Variants in RUBCN observed in about 807,000 individuals in gnomAD.
RUBCN encodes rubicon autophagy regulator, also known as run domain Beclin-1-interacting and cysteine-rich domain-containing protein.
In RUBCN, 74 loss-of-function variants were observed where a neutral mutation model predicts 113.2. That is an observed-to-expected ratio of 0.65 (90% CI 0.54 to 0.79). RUBCN has a LOEUF of 0.79. Ranked by LOEUF, RUBCN falls within the 30% of genes least tolerant of loss-of-function variation. RUBCN has a pLI of 0.00. For synonymous variants in RUBCN, 480 were observed against 490.0 expected, an observed-to-expected ratio of 0.98 and a Z score of 0.27; for missense variants, 1,109 against 1,251.7, an observed-to-expected ratio of 0.89 and a Z score of 1.72.
intron 9 of RUBCN, among the ~76,000 whole-genome samples, chr3:197,695,304 T>C (rs571402704): frequency 1.4e-5 from 2 of 147,062 alleles, no homozygotes; most frequent in Admixed American, 1.3e-4. Context: ...CCCAGCACTC[T>C]GGGAGGCCAA....
At position 197,683,875 on chromosome 3, in the gene RUBCN, CT is replaced by C. The variant is rs1276611259; in HGVS notation, c.1847+281del. Among the ~76,000 whole-genome samples the C allele has an allele frequency of 6.6e-6, 1 of 152,210 alleles. No homozygotes were observed. Among genetic ancestry groups the C allele is most frequent in the Non-Finnish European group, 1.5e-5 (1 of 68,034 alleles). On this transcript the variant is annotated intron_variant, in intron 12 of 19. Transcript: ENST00000296343. The surrounding 1 kb of genome is among the most constrained non-coding windows in gnomAD (Gnocchi z 4.6). ...ATTTCATAACCAAAAACCATCATCA[CT>C]GCTCTCTTTTGAGACCTTCTGGGGC...
chr3:197,680,028 AG>A (rs1721018309), intron 16 of RUBCN, among the ~76,000 whole-genome samples: 1 of 150,274 alleles, frequency 6.7e-6, no homozygotes, highest in Non-Finnish European at 1.5e-5. Context: ...AACTGGCTTC[AG>A]ACTGTCCTAC....
At position 197,736,765 on chromosome 3, in the gene RUBCN, C is replaced by G; in HGVS notation, c.-46G>C. The G allele has an allele frequency of 6.6e-7, 1 of 1,523,620 alleles. No homozygotes were observed. The highest frequency in any genetic ancestry group is 8.8e-7 in the Non-Finnish European group (1 of 1,142,306). The allele number at this position is 1,523,620 out of a possible 1,614,324, so 94.4% of individuals were successfully genotyped here. ...CTTCGCCCAAGAGAGGCGTCCCTGC[C>G]GCTTCGCCCTTCAGGGCTCCCGGGG... On this transcript the variant is annotated 5_prime_UTR_variant, in exon 1 of 20. Coordinates refer to ENST00000296343, the MANE Select transcript of RUBCN (RefSeq NM_014687.4).
At chr3:197,696,747 G>A (rs570386289) in intron 8 of RUBCN, among the ~76,000 whole-genome samples, 20 of 152,254 alleles carry the variant, frequency 1.3e-4, no homozygotes, top group South Asian at 6.2e-4. Flanking sequence ...AGAGAGGGTG[G>A]GACCCCCAAG....
intron 1 of RUBCN, among the ~76,000 whole-genome samples, chr3:197,746,916 C>T (rs962893951): frequency 2.0e-5 from 3 of 151,896 alleles, no homozygotes; most frequent in South Asian, 2.1e-4. Context: ...GGTGTGCATC[C>T]GTCTTGCTCA....
At chr3:197,698,231 A>G (rs1341195489) in intron 7 of RUBCN, among the ~76,000 whole-genome samples, 1 of 152,262 alleles carries the variant, frequency 6.6e-6, no homozygotes, top group Non-Finnish European at 1.5e-5. Flanking sequence ...TCTCCTTAAG[A>G]AGAACGCTAT....
intron 1 of RUBCN, among the ~76,000 whole-genome samples, chr3:197,732,336 A>G (rs1727610160): frequency 6.6e-6 from 1 of 152,140 alleles, no homozygotes; most frequent in Admixed American, 6.5e-5. Context: ...TATTTTTGAG[A>G]CGAGTCTCAC....
At chr3:197,676,812 C>G in intron 18 of RUBCN, 73 bp downstream of exon 18, 3 of 1,610,146 alleles carry the variant, frequency 1.9e-6, no homozygotes, top group Non-Finnish European at 2.5e-6. Flanking sequence ...GTGGCAAGAA[C>G]CCCAGGTCCA....
upstream of RUBCN, chr3:197,736,928 A>G (rs1728212735): frequency 7.4e-7 from 1 of 1,346,290 alleles, no homozygotes; most frequent in Non-Finnish European, 9.5e-7. Flanking sequence ...TCCGGGGACT[A>G]CAGCCCCCGG....
In RUBCN at chr3:197,674,873, A is replaced by T; in HGVS notation, c.*145T>A. 1.5e-6 allele frequency: 1 copy of T among 684,724 alleles called. No homozygotes were observed. The highest frequency in any genetic ancestry group is 2.3e-6 in the Non-Finnish European group (1 of 434,232). 42.4% of individuals were successfully genotyped at this position (684,724 alleles called of 1,614,324 possible). The stretch of plus-strand genomic sequence containing the variant: ...GGCTGACTGCACACAGACGTCAGAC[A>T]AGTCAGTAAAAAAAAAAAAAAAGAT... On this transcript the variant is annotated 3_prime_UTR_variant, in exon 20 of 20. Transcript: ENST00000296343.
chr3:197,737,402 G>A (rs1728270889), upstream of RUBCN: 2 of 151,276 alleles, frequency 1.3e-5, no homozygotes, highest in Non-Finnish European at 2.9e-5. Flanking sequence ...AGGAGAGAAA[G>A]GCTTCTGGGG....
intron 1 of RUBCN, among the ~76,000 whole-genome samples, chr3:197,722,006 A>C (rs1726224591): frequency 6.6e-6 from 1 of 152,102 alleles, no homozygotes; most frequent in Non-Finnish European, 1.5e-5. Flanking sequence ...TGGGAGTCCG[A>C]GGTGGGCGGA....
In RUBCN at chr3:197,674,946, A is replaced by T; in HGVS notation, c.*72T>A. 1 of 1,240,584 alleles carries T rather than the reference A, an allele frequency of 8.1e-7. No individual in the cohort carries two copies. The highest frequency in any genetic ancestry group is 1.1e-6 in the Non-Finnish European group (1 of 890,842). 76.8% of individuals were successfully genotyped at this position (1,240,584 alleles called of 1,614,324 possible). A position where few individuals can be genotyped will look rare whatever the true frequency, so the allele number is the denominator to read the frequency against. On this transcript the variant is annotated 3_prime_UTR_variant, in exon 20 of 20. Transcript: ENST00000296343. ...AAAAAAAGAAGCCCCAGGTGGGGCGAGTCCTTCAAAGAGTGGCTCAGTTCT... is the reference window on the plus strand; with the variant it reads ...AAAAAAAGAAGCCCCAGGTGGGGCGTGTCCTTCAAAGAGTGGCTCAGTTCT...
At position 197,736,698 on chromosome 3, in the gene RUBCN, T is replaced by C; in HGVS notation, c.22A>G (p.Met8Val). 1 of 1,530,908 alleles carries C rather than the reference T, an allele frequency of 6.5e-7. No homozygotes were observed. The highest frequency in any genetic ancestry group is 1.2e-5 in the South Asian group (1 of 83,838). 94.8% of individuals were successfully genotyped at this position (1,530,908 alleles called of 1,614,324 possible). A position where few individuals can be genotyped will look rare whatever the true frequency, so the allele number is the denominator to read the frequency against. Reference protein sequence around the residue: MRPEGAGMELGGGEERLP... With the variant: MRPEGAGVELGGGEERLP... ...CGCTCCTCGCCGCCTCCGAGCTCCATTCCCGCGCCCTCCGGCCGCATCCGG... is the reference window on the plus strand; with the variant it reads ...CGCTCCTCGCCGCCTCCGAGCTCCACTCCCGCGCCCTCCGGCCGCATCCGG... Residue 8 changes from methionine (M) to valine (V), a missense_variant, in exon 1 of 20, where the codon ATG becomes GTG. Coordinates refer to ENST00000296343, the MANE Select transcript of RUBCN (RefSeq NM_014687.4).
At chr3:197,727,311 C>G (rs1278505682) in intron 1 of RUBCN, among the ~76,000 whole-genome samples, 1 of 152,158 alleles carries the variant, frequency 6.6e-6, no homozygotes, top group East Asian at 1.9e-4. Flanking sequence ...ATGGAGACAA[C>G]AATTGCTTCA....
rs1045363866 is a variant in RUBCN, at chr3:197,742,435, G to T, written c.-116+6834C>A. ...CTGAACCTGGGAAGCGGAGGTTTCA[G>T]TGAGCCGAGATCCCACCACTGCACT... On this transcript the variant is annotated intron_variant, in intron 1 of 20. Transcript: ENST00000273582. 7.9e-5 allele frequency among the ~76,000 whole-genome samples: 12 copies of T among 152,116 alleles called. No homozygotes were observed. In the East Asian group the frequency reaches 2.3e-3, roughly 30 times the overall value.
At chr3:197,703,785 G>A (rs1425027595) in intron 4 of RUBCN, 131 bp from the exon 5 acceptor site, 1 of 700,546 alleles carries the variant, frequency 1.4e-6, no homozygotes, top group African/African-American at 1.8e-5. Context: ...CAAAGTAGAG[G>A]AGAAGCTGAA....
chr3:197,681,213 A>G lies in RUBCN; in HGVS notation c.2346T>C (p.Ile782=), dbSNP rs372215569. Residue 782 remains isoleucine (I), a synonymous_variant, in exon 16 of 20, where the codon ATT becomes ATC. Transcript: ENST00000296343. This position sits in a 1 kb window ranked among gnomAD's most constrained non-coding sequence, Gnocchi z 5.5. The part of the protein sequence containing the change: ...YVSNFSKDLL[I]KIWNDPLFNV... ...TGAAGAGAGGATCATTCCAGATCTT[A>G]ATGAGCAGGTCCTTGGAGAAGTTGC... 1.5e-5 allele frequency: 25 copies of G among 1,614,002 alleles called. No homozygotes were observed. Among genetic ancestry groups the G allele is most frequent in the Non-Finnish European group, 2.1e-5 (25 of 1,180,006 alleles).
Position 197,679,375 on chromosome 3 carries a change from TCCTACGCTCTA to T in RUBCN, c.2430+1743_2430+1753del, listed in dbSNP as rs1200888205. ...CTGACTGACAACTGGCTTTAGACTG[TCCTACGCTCTA>T]ACTTGTCAACTGGCTTCAGACTGTC... On this transcript the variant is annotated intron_variant, in intron 16 of 19. Transcript: ENST00000296343. 3.4e-5 allele frequency among the ~76,000 whole-genome samples: 5 copies of T among 145,478 alleles called. No individual in the cohort carries two copies. In the South Asian group the frequency reaches 1.1e-3, roughly 32 times the overall value.
Sources: allele counts gnomAD v4.1 joint callset (sites outside exome capture counted in the v4.1 genomes callset), GRCh38; gene constraint gnomAD v4.1.1; non-coding constraint Gnocchi (gnomAD v3.1); transcripts MANE v1.5; gene names NCBI Gene and HGNC (gene_info 2026-07-23, HGNC 2026-07-21).